Variants in BICC1 observed in about 807,000 individuals in gnomAD.
BICC1 encodes protein bicaudal C homolog 1.
BICC1 carries 43 observed loss-of-function variants against 111.0 expected under a neutral mutation model. The observed-to-expected ratio is 0.39, with a 90% CI of 0.30 to 0.50. The LOEUF is 0.50. BICC1 is among the 20% of genes least tolerant of loss of function. The pLI, the probability that BICC1 is intolerant of heterozygous loss-of-function variation, is 0.88. For synonymous variants in BICC1, 467 were observed against 434.4 expected, an observed-to-expected ratio of 1.07 and a Z score of -0.93; for missense variants, 1,091 against 1,203.2, an observed-to-expected ratio of 0.91 and a Z score of 1.38.
chr10:58,537,090 C>T lies in BICC1; in HGVS notation c.190+23757C>T, dbSNP rs193047380. Among the ~76,000 whole-genome samples, 311 of 151,258 alleles carry T rather than the reference C, an allele frequency of 2.1e-3. 2 individuals carry two copies. The highest frequency in any genetic ancestry group is 7.1e-3 in the African/African-American group (292 of 41,380). On this transcript the variant is annotated intron_variant, in intron 1 of 20. Transcript: ENST00000373886. Reference sequence around the variant, plus strand: ...CAAACCAAAAAAACAAACCTGTCAACAAAAAAAGCCCAGGGCATATGGATT... The same window carrying T: ...CAAACCAAAAAAACAAACCTGTCAATAAAAAAAGCCCAGGGCATATGGATT...
chr10:58,690,141 T>TA (rs1211025543), intron 2 of BICC1, among the ~76,000 whole-genome samples: 1 of 152,204 alleles, frequency 6.6e-6, no homozygotes, highest in Non-Finnish European at 1.5e-5. Flanking sequence ...AATACATACA[T>TA]ACACACACCC....
At chr10:58,760,288 C>T (rs548436279) in intron 3 of BICC1, among the ~76,000 whole-genome samples, 39 of 152,100 alleles carry the variant, frequency 2.6e-4, no homozygotes, top group Admixed American at 6.5e-4. Context: ...CCCCAAATGA[C>T]GTTTTCCACT....
In BICC1 at chr10:58,587,194, A is replaced by T. The variant is rs1007264209; in HGVS notation, c.191-33661A>T. Among the ~76,000 whole-genome samples, 9 of 152,158 alleles carry T rather than the reference A, an allele frequency of 5.9e-5. No individual in the cohort carries two copies. The South Asian group carries it at 8.3e-4, about 14-fold the overall frequency. On this transcript the variant is annotated intron_variant, in intron 1 of 20. Coordinates refer to ENST00000373886, the MANE Select transcript of BICC1 (RefSeq NM_001080512.3). ...TCCGTCTTCTTCTGTGTTCATGCAT[A>T]CGTGTTCTGCTTGCTTTACCTAATA... is the stretch of plus-strand genomic sequence containing the variant.
chr10:58,739,051 C>G (rs1380763315), intron 3 of BICC1, among the ~76,000 whole-genome samples: 4 of 152,090 alleles, frequency 2.6e-5, no homozygotes, highest in Non-Finnish European at 4.4e-5. Flanking sequence ...TTGACTTCCT[C>G]TTTTCCTAAT....
At chr10:58,750,814 C>T (rs543438883) in intron 3 of BICC1, among the ~76,000 whole-genome samples, 2 of 152,192 alleles carry the variant, frequency 1.3e-5, no homozygotes, top group Admixed American at 6.5e-5. Flanking sequence ...TTCCAGAAAT[C>T]GGAAACCTGC....
intron 3 of BICC1, among the ~76,000 whole-genome samples, chr10:58,740,453 A>G (rs1377212320): frequency 2.6e-5 from 4 of 152,208 alleles, no homozygotes; most frequent in Non-Finnish European, 4.4e-5. Flanking sequence ...GCTCTGATTC[A>G]TTTGGATAAA....
At chr10:58,611,455 T>C (rs1001064487) in intron 1 of BICC1, among the ~76,000 whole-genome samples, 1 of 151,924 alleles carries the variant, frequency 6.6e-6, no homozygotes, top group African/African-American at 2.4e-5. Flanking sequence ...TAAGTCATTC[T>C]GTACATTCTG....
At chr10:58,743,953 A>T (rs1029186842) in intron 3 of BICC1, among the ~76,000 whole-genome samples, 1 of 152,094 alleles carries the variant, frequency 6.6e-6, no homozygotes, top group East Asian at 1.9e-4. Flanking sequence ...AACACAACTT[A>T]AGCAGGTATC....
At chr10:58,763,093 A>G (rs1192775148) in intron 3 of BICC1, among the ~76,000 whole-genome samples, 1 of 152,210 alleles carries the variant, frequency 6.6e-6, no homozygotes, top group African/African-American at 2.4e-5. Flanking sequence ...TTAACATACT[A>G]TGATTTGCTT....
chr10:58,690,426 G>T (rs140153638), intron 2 of BICC1, among the ~76,000 whole-genome samples: 1 of 152,374 alleles, frequency 6.6e-6, no homozygotes, highest in Non-Finnish European at 1.5e-5. Flanking sequence ...ATCTCTGTTA[G>T]TTTGAGTCGC....
At chr10:58,806,293 G>C (rs1843705994) in intron 15 of BICC1, among the ~76,000 whole-genome samples, 1 of 151,926 alleles carries the variant, frequency 6.6e-6, no homozygotes, top group South Asian at 2.1e-4. Context: ...TGGTGTGCTA[G>C]GTATTTATGG....
intron 1 of BICC1, among the ~76,000 whole-genome samples, chr10:58,580,649 TCTTAA>T (rs1379064542): frequency 2.6e-5 from 4 of 152,196 alleles, no homozygotes; most frequent in African/African-American, 9.7e-5. Context: ...TATTAGAAGC[TCTTAA>T]CTTAAACTTC....
rs180997555 is a variant in BICC1, at chr10:58,805,894, A to G, written c.2182-690A>G. The stretch of plus-strand genomic sequence containing the variant: ...TGCACTACTTTCTTCAAAATGATCT[A>G]TCTTAGTCCTCACATACACTTGACT... On this transcript the variant is annotated intron_variant, in intron 15 of 20. Coordinates refer to ENST00000373886, the MANE Select transcript of BICC1 (RefSeq NM_001080512.3). Among the ~76,000 whole-genome samples, 6 of 152,314 alleles carry G rather than the reference A, an allele frequency of 3.9e-5. No homozygotes were observed. In the East Asian group the frequency reaches 1.2e-3, roughly 29 times the overall value.
At chr10:58,547,731 G>C (rs1843178898) in intron 1 of BICC1, among the ~76,000 whole-genome samples, 1 of 152,122 alleles carries the variant, frequency 6.6e-6, no homozygotes, top group African/African-American at 2.4e-5. Flanking sequence ...TCTAATACTT[G>C]TTTATTTCAT....
At position 58,805,924 on chromosome 10, in the gene BICC1, C is replaced by T. The variant is rs117667522; in HGVS notation, c.2182-660C>T. On this transcript the variant is annotated intron_variant, in intron 15 of 20. Coordinates refer to ENST00000373886, the MANE Select transcript of BICC1 (RefSeq NM_001080512.3). ...AGTCCTCACATACACTTGACTACAT[C>T]GTAGTTACTCATTCAGTTTTAATGG... Among the ~76,000 whole-genome samples the T allele has an allele frequency of 1.2e-3, 187 of 152,290 alleles. 3 individuals are homozygous for T. The East Asian group carries it at 0.032, about 26-fold the overall frequency.
At chr10:58,551,522 CAGT>C (rs1298608848) in intron 1 of BICC1, among the ~76,000 whole-genome samples, 1 of 152,146 alleles carries the variant, frequency 6.6e-6, no homozygotes, top group Non-Finnish European at 1.5e-5. Flanking sequence ...GTTTTCTTCT[CAGT>C]AGTTTTCAAG....
chr10:58,602,773 G>A (rs962110167), intron 1 of BICC1, among the ~76,000 whole-genome samples: 1 of 152,186 alleles, frequency 6.6e-6, no homozygotes, highest in Non-Finnish European at 1.5e-5. Context: ...TTGATTTGTA[G>A]TAACTTGATT....
In BICC1 at chr10:58,800,243, A is replaced by T. The variant is rs1843498620; in HGVS notation, c.1775A>T (p.Lys592Ile). 6.2e-7 allele frequency: 1 copy of T among 1,612,124 alleles called. No individual in the cohort carries two copies. Among genetic ancestry groups the T allele is most frequent in the African/African-American group, 1.3e-5 (1 of 74,896 alleles). ...ATATCCACTTCATCACTTGGAGAAA[A>T]AGTGCTGAGTGCAAATCACGGGGAT... Reference protein sequence around the residue: ...GAISTSSLGEKVLSANHGDPS... With the variant: ...GAISTSSLGEIVLSANHGDPS... Residue 592 changes from lysine (K) to isoleucine (I), a missense_variant, in exon 13 of 21, where the codon AAA becomes ATA. Around this residue, in one of 3 missense-constraint regions of BICC1, gnomAD observed 843 missense variants for 900.8 expected, o/e 0.94. Coordinates refer to ENST00000373886, the MANE Select transcript of BICC1 (RefSeq NM_001080512.3).
At chr10:58,623,869 G>A (rs1228345909) in intron 2 of BICC1, among the ~76,000 whole-genome samples, 1 of 151,810 alleles carries the variant, frequency 6.6e-6, no homozygotes, top group African/African-American at 2.4e-5. Context: ...TTACCTAATA[G>A]CAACAATAGA....
Sources: gnomAD v4.1 joint callset for allele counts (sites outside exome capture counted in the v4.1 genomes callset) on GRCh38, gnomAD v4.1.1 for gene constraint, gnomAD v4.1.1 regional missense constraint, MANE v1.5 for transcripts, NCBI Gene and HGNC (gene_info 2026-07-23, HGNC 2026-07-21) for gene names.